NALF1: variants seen among roughly 807,000 people sequenced by gnomAD.
NALF1 encodes family with sequence similarity 155 member A.
NALF1 carries 3 observed loss-of-function variants against 48.4 expected under a neutral mutation model. That is an observed-to-expected ratio of 0.06 (90% CI 0.03 to 0.16). The LOEUF (loss-of-function observed/expected upper bound fraction) is 0.16, where lower values mean the gene tolerates loss of function less well. NALF1 is among the 10% of genes least tolerant of loss of function. The pLI, the probability that NALF1 is intolerant of heterozygous loss-of-function variation, is 1.00. For missense variants in NALF1, 526 were observed against 571.5 expected, an observed-to-expected ratio of 0.92 and a Z score of 0.81; for synonymous variants, 262 against 245.7, an observed-to-expected ratio of 1.07 and a Z score of -0.62.
At chr13:107,740,118 A>C (rs1876589981) in intron 1 of NALF1, among the ~76,000 whole-genome samples, 1 of 152,242 alleles carries the variant, frequency 6.6e-6, no homozygotes, top group Admixed American at 6.5e-5. Flanking sequence ...ATTGTCCACA[A>C]AACCGGTCCC....
At chr13:107,725,986 C>T (rs1876138305) in intron 1 of NALF1, among the ~76,000 whole-genome samples, 1 of 152,074 alleles carries the variant, frequency 6.6e-6, no homozygotes. Flanking sequence ...ACATTTTTCG[C>T]TTTCTGTGAC....
intron 1 of NALF1, among the ~76,000 whole-genome samples, chr13:107,240,648 T>G (rs955463773): frequency 6.6e-6 from 1 of 152,210 alleles, no homozygotes; most frequent in African/African-American, 2.4e-5. Flanking sequence ...CAACCTGATC[T>G]AAGGTGAAAC....
At chr13:107,360,025 G>A (rs1353635080) in intron 1 of NALF1, among the ~76,000 whole-genome samples, 2 of 152,164 alleles carry the variant, frequency 1.3e-5, no homozygotes, top group Non-Finnish European at 2.9e-5. Flanking sequence ...CTATTGCAAA[G>A]CCATGAGAAT....
intron 1 of NALF1, among the ~76,000 whole-genome samples, chr13:107,572,456 T>A (rs9520495): frequency 0.35 from 52,510 of 152,014 alleles, 10,102 homozygotes; most frequent in Non-Finnish European, 0.44. Context: ...GTTACCCCTG[T>A]GGGAATTGGG....
intron 1 of NALF1, among the ~76,000 whole-genome samples, chr13:107,412,817 T>C (rs901731320): frequency 8.5e-5 from 13 of 152,200 alleles, no homozygotes; most frequent in Admixed American, 6.5e-5. Context: ...AGAGAGACAC[T>C]TGGCGTAATA....
At position 107,740,675 on chromosome 13, in the gene NALF1, T is replaced by A. The variant is rs143847539; in HGVS notation, c.915+125007A>T. Among the ~76,000 whole-genome samples the A allele has an allele frequency of 7.4e-4, 113 of 152,230 alleles. 1 individual carries two copies. The highest frequency in any genetic ancestry group is 3.3e-3 in the South Asian group (16 of 4,830). ...TAGTAAGCTAGGACACTTCTAGATA[T>A]TACTGAATGTGCTCACTTTGTTTCT... On this transcript the variant is annotated intron_variant, in intron 1 of 2. Transcript: ENST00000375915.
At chr13:107,252,205 G>C (rs543708826) in intron 1 of NALF1, among the ~76,000 whole-genome samples, 1 of 152,250 alleles carries the variant, frequency 6.6e-6, no homozygotes, top group African/African-American at 2.4e-5. Flanking sequence ...TTGCTGGAAG[G>C]TGTCAGTTTG....
intron 1 of NALF1, among the ~76,000 whole-genome samples, chr13:107,624,678 C>T (rs144085238): frequency 4.6e-5 from 7 of 152,314 alleles, no homozygotes; most frequent in Admixed American, 4.6e-4. Flanking sequence ...AAATTATAAA[C>T]ACAAACATAA....
chr13:107,283,656 ATTT>A (rs1459171318), intron 1 of NALF1, among the ~76,000 whole-genome samples: 1 of 120,628 alleles, frequency 8.3e-6, no homozygotes, highest in African/African-American at 3.2e-5. Flanking sequence ...TTATTTATTT[ATTT>A]ACTATTTTTG....
At chr13:107,508,318 A>G (rs1875766673) in intron 1 of NALF1, among the ~76,000 whole-genome samples, 1 of 151,514 alleles carries the variant, frequency 6.6e-6, no homozygotes, top group Admixed American at 6.6e-5. Context: ...TATTTGATAT[A>G]CTCATGTATA....
chr13:107,846,207 A>G (rs191955966), intron 1 of NALF1, among the ~76,000 whole-genome samples: 139 of 152,282 alleles, frequency 9.1e-4, no homozygotes, highest in Non-Finnish European at 3.2e-4. Context: ...CTTTTGAGCT[A>G]GATTTTTCAA....
rs541885469 is a variant in NALF1 at position 107,840,279 on chromosome 13, G to T, written c.915+25403C>A. On this transcript the variant is annotated intron_variant, in intron 1 of 2. Transcript: ENST00000375915. The stretch of plus-strand genomic sequence containing the variant: ...CTATTTGAAGAGTATGTAGGTCAGG[G>T]TTATTGTTAGCTACATATAACAACA... 3.3e-5 allele frequency among the ~76,000 whole-genome samples: 5 copies of T among 152,268 alleles called. No homozygotes were observed. The East Asian group carries it at 9.7e-4, about 29-fold the overall frequency.
chr13:107,243,518 G>C (rs1210269123), intron 1 of NALF1, among the ~76,000 whole-genome samples: 1 of 152,104 alleles, frequency 6.6e-6, no homozygotes, highest in Admixed American at 6.5e-5. Context: ...ATCTCTAAAA[G>C]ACCTAGGACC....
intron 1 of NALF1, among the ~76,000 whole-genome samples, chr13:107,240,625 A>G (rs1303383930): frequency 6.6e-6 from 1 of 152,236 alleles, no homozygotes; most frequent in Non-Finnish European, 1.5e-5. Context: ...TTTAGAAAAT[A>G]CACGTGGAGA....
intron 1 of NALF1, among the ~76,000 whole-genome samples, chr13:107,321,810 A>AAC (rs1882260988): frequency 6.6e-6 from 1 of 152,168 alleles, no homozygotes. Context: ...TGTACCTGTT[A>AAC]ACACTTTTTC....
chr13:107,775,803 A>T (rs559894068), intron 1 of NALF1, among the ~76,000 whole-genome samples: 1 of 151,990 alleles, frequency 6.6e-6, no homozygotes, highest in East Asian at 1.9e-4. Context: ...ACAACAATAT[A>T]GAAAAGTATT....
intron 1 of NALF1, among the ~76,000 whole-genome samples, chr13:107,596,164 T>C (rs1878740123): frequency 1.3e-5 from 2 of 152,090 alleles, no homozygotes; most frequent in South Asian, 4.2e-4. Context: ...TATTAAGGTC[T>C]CTGTCAATCT....
intron 1 of NALF1, among the ~76,000 whole-genome samples, chr13:107,308,913 G>A (rs565611589): frequency 2.6e-5 from 4 of 152,284 alleles, no homozygotes; most frequent in African/African-American, 7.2e-5. Context: ...CTTCAACTCT[G>A]TCTTATCTGC....
intron 1 of NALF1, among the ~76,000 whole-genome samples, chr13:107,429,977 T>C (rs73592730): frequency 1.3e-5 from 2 of 152,150 alleles, no homozygotes; most frequent in African/African-American, 2.4e-5. Context: ...ACACATAACC[T>C]ATGAGACTGC....
Sources: allele counts gnomAD v4.1 joint callset (sites outside exome capture counted in the v4.1 genomes callset), GRCh38; gene constraint gnomAD v4.1.1; transcripts MANE v1.5; gene names NCBI Gene and HGNC (gene_info 2026-07-23, HGNC 2026-07-21).